Variants in DYM observed in about 807,000 individuals in gnomAD.
DYM encodes dyggve-Melchior-Clausen syndrome protein.
Under a neutral mutation model 93.1 loss-of-function variants are expected in DYM, and 78 were observed. The ratio of observed to expected loss-of-function variants is 0.84; its 90% confidence interval spans 0.70 to 1.01. The LOEUF is 1.01. Among genes scored for constraint, DYM ranks in the 50% least tolerant of loss-of-function variants. The pLI is 0.00. For synonymous variants in DYM, 321 were observed against 319.7 expected (o/e 1.00, Z -0.04); for missense variants, 789 against 845.0 (o/e 0.93, Z 0.82).
At chr18:49,155,181 G>A (rs1009815975) in intron 15 of DYM, among the ~76,000 whole-genome samples, 4 of 152,058 alleles carry the variant, frequency 2.6e-5, no homozygotes, top group Non-Finnish European at 4.4e-5. Context: ...GCTGACTTTC[G>A]CAGTTTCTAA....
intron 10 of DYM, among the ~76,000 whole-genome samples, chr18:49,279,205 T>A (rs1001122493): frequency 2.0e-5 from 3 of 152,128 alleles, no homozygotes; most frequent in Admixed American, 2.0e-4. Flanking sequence ...CAGTAGTGAG[T>A]CAGACCATCA....
intron 15 of DYM, among the ~76,000 whole-genome samples, chr18:49,156,417 GC>G (rs200255658): frequency 4.0e-5 from 6 of 149,728 alleles, no homozygotes; most frequent in South Asian, 2.1e-4. Flanking sequence ...CTCAAACCAC[GC>G]CCCCCCCTCA....
intron 15 of DYM, among the ~76,000 whole-genome samples, chr18:49,159,509 GATA>G (rs1419294043): frequency 1.3e-5 from 2 of 152,182 alleles, no homozygotes; most frequent in Non-Finnish European, 2.9e-5. Context: ...CATATAGAAT[GATA>G]ATAATAAGTG....
At chr18:49,277,422 A>G (rs1467371384) in intron 10 of DYM, among the ~76,000 whole-genome samples, 1 of 152,206 alleles carries the variant, frequency 6.6e-6, no homozygotes, top group African/African-American at 2.4e-5. Flanking sequence ...AAAAACCAGC[A>G]GAGTACAATG....
In DYM at chr18:49,232,884, A is replaced by G. The variant is rs150632224; in HGVS notation, c.1461-23169T>C. 5.1e-3 allele frequency among the ~76,000 whole-genome samples: 779 copies of G among 152,144 alleles called. 1 individual carries two copies. The highest frequency in any genetic ancestry group is 8.6e-3 in the Non-Finnish European group (585 of 67,988). On this transcript the variant is annotated intron_variant, in intron 13 of 17. Transcript: ENST00000675505. Reference sequence around the variant, plus strand: ...TCAGCCTCCCAAAAGTGCTGGGATTACGGGAGTGACCACCATGCCCAGCCT... The same window carrying G: ...TCAGCCTCCCAAAAGTGCTGGGATTGCGGGAGTGACCACCATGCCCAGCCT...
At chr18:49,156,823 T>C (rs1426898298) in intron 15 of DYM, among the ~76,000 whole-genome samples, 2 of 151,698 alleles carry the variant, frequency 1.3e-5, no homozygotes, top group Non-Finnish European at 2.9e-5. Context: ...CCCTCCTAGA[T>C]GCAAGGGAGC....
At chr18:49,383,308 T>G (rs2068234876) in intron 3 of DYM, among the ~76,000 whole-genome samples, 1 of 152,142 alleles carries the variant, frequency 6.6e-6, no homozygotes. Context: ...GAATCCTTAT[T>G]TAGAGATACA....
At chr18:49,093,261 C>G (rs2079234789) in intron 17 of DYM, 1 of 152,218 alleles carries the variant, frequency 6.6e-6, no homozygotes, top group Non-Finnish European at 1.5e-5. Flanking sequence ...AAGCTGCATA[C>G]ACAAAGGCCT....
intron 11 of DYM, among the ~76,000 whole-genome samples, chr18:49,258,845 G>GAGAGAGAGAGAGATAGCAC (rs2094441057): frequency 2.1e-5 from 1 of 47,694 alleles, no homozygotes; most frequent in African/African-American, 1.1e-4. Context: ...CACACAGAGA[G>GAGAGAGAGAGAGATAGCAC]AGAGAGAGAG....
chr18:49,415,428 CTTT>C (rs527660269), intron 2 of DYM, among the ~76,000 whole-genome samples: 4 of 136,550 alleles, frequency 2.9e-5, no homozygotes, highest in African/African-American at 2.7e-5. Context: ...TTATTTTTAT[CTTT>C]TTTTTTTTTT....
At chr18:49,109,681 C>T (rs1437285242) in intron 16 of DYM, among the ~76,000 whole-genome samples, 1 of 152,206 alleles carries the variant, frequency 6.6e-6, no homozygotes, top group Non-Finnish European at 1.5e-5. Flanking sequence ...GGTTATGTGA[C>T]AAGGGTCAGA....
intron 8 of DYM, among the ~76,000 whole-genome samples, chr18:49,309,800 T>C (rs532895242): frequency 1.3e-5 from 2 of 152,134 alleles, no homozygotes; most frequent in East Asian, 3.9e-4. Context: ...AGGGGAATAA[T>C]AATGGAAAAA....
chr18:49,065,876 G>C (rs1275865451), intron 17 of DYM, among the ~76,000 whole-genome samples: 1 of 151,932 alleles, frequency 6.6e-6, no homozygotes, highest in East Asian at 1.9e-4. Context: ...GAAATCATTT[G>C]ATTTTTATAT....
intron 16 of DYM, among the ~76,000 whole-genome samples, chr18:49,107,781 G>A (rs1199712815): frequency 2.0e-5 from 3 of 152,154 alleles, no homozygotes; most frequent in East Asian, 1.9e-4. Flanking sequence ...TGTCTGAGAC[G>A]AGTACCCGGC....
At chr18:49,223,323 C>T (rs1183477760) in intron 13 of DYM, among the ~76,000 whole-genome samples, 2 of 152,034 alleles carry the variant, frequency 1.3e-5, no homozygotes, top group African/African-American at 4.8e-5. Flanking sequence ...TGTGTTGTCT[C>T]ACTTAAAATC....
At chr18:49,153,474 C>T (rs1192257095) in intron 15 of DYM, among the ~76,000 whole-genome samples, 3 of 152,116 alleles carry the variant, frequency 2.0e-5, no homozygotes, top group African/African-American at 4.8e-5. Context: ...ATGGTTGATT[C>T]CAGGGCTGGG....
At position 49,427,483 on chromosome 18, in the gene DYM, A is replaced by T. The variant is rs567635362; in HGVS notation, c.140+2772T>A. Among the ~76,000 whole-genome samples, 4 of 148,962 alleles carry T rather than the reference A, an allele frequency of 2.7e-5. No individual in the cohort carries two copies. The South Asian group carries it at 8.3e-4, about 31-fold the overall frequency. On this transcript the variant is annotated intron_variant, in intron 2 of 17. Coordinates refer to ENST00000675505, the MANE Select transcript of DYM (RefSeq NM_001353214.3). ...GTAATAAACTATTAAAACAACTTTAATTTAAATTTAATTAAAATTTAAATA... is the reference window on the plus strand; with the variant it reads ...GTAATAAACTATTAAAACAACTTTATTTTAAATTTAATTAAAATTTAAATA...
chr18:49,096,229 A>AT (rs1378021007), intron 17 of DYM, among the ~76,000 whole-genome samples: 2 of 152,222 alleles, frequency 1.3e-5, no homozygotes, highest in African/African-American at 4.8e-5. Flanking sequence ...ACTTTGGCTG[A>AT]TAAACAGAAC....
chr18:49,440,061 G>T (rs1403988355), intron 1 of DYM, among the ~76,000 whole-genome samples: 2 of 126,758 alleles, frequency 1.6e-5, no homozygotes, highest in African/African-American at 5.4e-5. Context: ...AATAAAACAT[G>T]ATATGCTCAA....
Sources: gnomAD v4.1 joint callset for allele counts (sites outside exome capture counted in the v4.1 genomes callset) on GRCh38, gnomAD v4.1.1 for gene constraint, MANE v1.5 for transcripts, NCBI Gene and HGNC (gene_info 2026-07-23, HGNC 2026-07-21) for gene names.